DDX50: variants seen among roughly 807,000 people sequenced by gnomAD.
The protein encoded by DDX50 is DExD-box helicase 50.
In DDX50, 56 loss-of-function variants were observed where a neutral mutation model predicts 94.8. The ratio of observed to expected loss-of-function variants is 0.59; its 90% confidence interval spans 0.48 to 0.74. The LOEUF is 0.74. Ranked by LOEUF, DDX50 falls within the 30% of genes least tolerant of loss-of-function variation. The pLI is 0.00. For synonymous variants in DDX50, 264 were observed against 295.4 expected, an observed-to-expected ratio of 0.89 and a Z score of 1.09; for missense variants, 713 against 881.2, an observed-to-expected ratio of 0.81 and a Z score of 2.42.
chr10:68,918,561 G>A (rs1281466646), intron 7 of DDX50, among the ~76,000 whole-genome samples: 2 of 151,386 alleles, frequency 1.3e-5, no homozygotes, highest in Non-Finnish European at 1.5e-5. Flanking sequence ...TCAGTCTCCC[G>A]AGTAGCTGGG....
At chr10:68,906,042 G>A (rs1165219560) in intron 1 of DDX50, among the ~76,000 whole-genome samples, 1 of 152,200 alleles carries the variant, frequency 6.6e-6, no homozygotes, top group African/African-American at 2.4e-5. Context: ...TAGCACCCCG[G>A]TAGGGTTTGG....
intron 1 of DDX50, among the ~76,000 whole-genome samples, chr10:68,903,151 T>A (rs1841338572): frequency 6.6e-6 from 1 of 152,182 alleles, no homozygotes. Context: ...ATGCCTGTAA[T>A]CCTAGCACTT....
At chr10:68,945,092 C>T (rs1334574142) in intron 14 of DDX50, among the ~76,000 whole-genome samples, 1 of 152,070 alleles carries the variant, frequency 6.6e-6, no homozygotes, top group African/African-American at 2.4e-5. Context: ...TAGGACTGCC[C>T]TAAACATTGG....
chr10:68,931,382 TAAAAAA>T (rs530913846), intron 8 of DDX50, among the ~76,000 whole-genome samples: 5 of 100,340 alleles, frequency 5.0e-5, no homozygotes, highest in African/African-American at 1.7e-4. Context: ...GACGGATCAT[TAAAAAA>T]AAAAATATAT....
intron 8 of DDX50, among the ~76,000 whole-genome samples, 186 bp downstream of exon 8, chr10:68,920,167 G>T (rs1841903068): frequency 6.6e-6 from 1 of 152,138 alleles, no homozygotes; most frequent in African/African-American, 2.4e-5. Context: ...TATCAGTTTT[G>T]TTTGTTTGTC....
chr10:68,936,968 AT>A lies in DDX50; in HGVS notation c.1634del (p.Phe545SerfsTer8). 1 of 1,607,798 alleles carries A rather than the reference AT, an allele frequency of 6.2e-7. No individual in the cohort carries two copies. Among genetic ancestry groups the A allele is most frequent in the Non-Finnish European group, 8.5e-7 (1 of 1,177,534 alleles). On this transcript the variant is annotated frameshift_variant, in exon 12 of 15. Transcript: ENST00000373585. LOFTEE classifies it high-confidence loss of function. ...GCTTCCGTTTCTTACGCTGCTGTTG[AT>A]TTTTTCCGACCATCAGCTCAGAGAC... is the stretch of plus-strand genomic sequence containing the variant. ...SLASVSYAAV[D>X]FFRPSAQRLI...
intron 8 of DDX50, among the ~76,000 whole-genome samples, chr10:68,922,936 C>T (rs1420642571): frequency 2.7e-5 from 4 of 149,398 alleles, no homozygotes; most frequent in Admixed American, 1.3e-4. Context: ...GGACTACAGG[C>T]GCATGCCACC....
Position 68,919,907 on chromosome 10 carries a change from G to A in DDX50, c.1165G>A (p.Glu389Lys). The A allele has an allele frequency of 6.2e-7, 1 of 1,614,132 alleles. No individual in the cohort carries two copies. The highest frequency in any genetic ancestry group is 1.1e-5 in the South Asian group (1 of 91,082). Residue 389 changes from glutamate to lysine, a missense_variant, in exon 8 of 15, where the codon GAA becomes AAA. Physicochemically the swap from Glu to Lys is moderately conservative, Grantham distance 56. Around this residue, in one of 2 missense-constraint regions of DDX50, gnomAD observed 428 missense variants for 602.3 expected, o/e 0.71. Transcript: ENST00000373585. ...GDVLQVYSGS[E>K]GRAIIFCETK... ...TGTCCTTCAAGTCTACAGTGGGTCT[G>A]AAGGGAGGGCTATTATTTTCTGTGA...
intron 2 of DDX50, among the ~76,000 whole-genome samples, chr10:68,908,400 G>A (rs1231154409): frequency 1.4e-4 from 19 of 136,540 alleles, no homozygotes; most frequent in Non-Finnish European, 1.5e-4. Flanking sequence ...GCAGTGAGCC[G>A]AGATTGCACC....
At position 68,901,502 on chromosome 10, in the gene DDX50, G is replaced by T. The variant is rs112700296; in HGVS notation, c.87+31G>T. ...CTGAGCATGGGCCGCGCCTCCTTTT[G>T]GGCTGCGCCGGCTTGGGCGGGGAGG... On this transcript the variant is annotated intron_variant, in intron 1 of 14. Coordinates refer to ENST00000373585, the MANE Select transcript of DDX50 (RefSeq NM_024045.2). 728 of 1,546,556 alleles carry T rather than the reference G, an allele frequency of 4.7e-4. 1 individual carries two copies. In the African/African-American group the frequency reaches 7.9e-3, roughly 17 times the overall value.
chr10:68,931,676 C>T (rs1303367906), intron 8 of DDX50, among the ~76,000 whole-genome samples: 7 of 151,410 alleles, frequency 4.6e-5, no homozygotes, highest in Admixed American at 6.6e-5. Context: ...CCACCTACCT[C>T]GGCCTCCCAA....
In DDX50 at chr10:68,906,848, A is replaced by T. The variant is rs1841463697; in HGVS notation, c.225A>T (p.Glu75Asp). Residue 75 changes from glutamate to aspartate, a missense_variant, in exon 2 of 15, where the codon GAA becomes GAT. This residue lies in a region of DDX50 where 285 missense variants were observed against 278.9 expected (regional missense o/e 1.02). Coordinates refer to ENST00000373585, the MANE Select transcript of DDX50 (RefSeq NM_024045.2). ...KMKEKLNGDT[E>D]EGFNRLSDEF... is the part of the protein sequence containing the mutation. ...AAGAGAAGCTAAATGGAGACACTGAAGAAGGATTTAATAGACTTTCAGATG... is the reference window on the plus strand; with the variant it reads ...AAGAGAAGCTAAATGGAGACACTGATGAAGGATTTAATAGACTTTCAGATG... 2 of 1,613,836 alleles carry T rather than the reference A, an allele frequency of 1.2e-6. No homozygotes were observed. The highest frequency in any genetic ancestry group is 4.5e-5 in the East Asian group (2 of 44,870).
At chr10:68,903,949 C>G (rs1451991756) in intron 1 of DDX50, among the ~76,000 whole-genome samples, 1 of 147,132 alleles carries the variant, frequency 6.8e-6, no homozygotes, top group East Asian at 2.0e-4. Flanking sequence ...GCACTCCAGC[C>G]TGGGTGACAG....
At chr10:68,935,845 C>T (rs1441647292) in intron 10 of DDX50, among the ~76,000 whole-genome samples, 161 bp from the exon 11 acceptor site, 2 of 151,900 alleles carry the variant, frequency 1.3e-5, no homozygotes, top group Non-Finnish European at 2.9e-5. Context: ...AAAACAAAAA[C>T]AAAAACAAAA....
Position 68,913,285 on chromosome 10 carries a change from T to A in DDX50, c.757+6T>A. 6.2e-7 allele frequency: 1 copy of A among 1,608,900 alleles called. No homozygotes were observed. The highest frequency in any genetic ancestry group is 1.3e-5 in the African/African-American group (1 of 74,686). Reference sequence around the variant, plus strand: ...AACATCATATCAAAGCCAAAGTGAGTAAATATGTTTGATAGACGTGCAAAG... The same window carrying A: ...AACATCATATCAAAGCCAAAGTGAGAAAATATGTTTGATAGACGTGCAAAG... On this transcript the variant is annotated splice_donor_region_variant and intron_variant, in intron 5 of 14. Transcript: ENST00000373585.
At chr10:68,942,567 G>T (rs1202109084) in intron 13 of DDX50, among the ~76,000 whole-genome samples, 1 of 152,034 alleles carries the variant, frequency 6.6e-6, no homozygotes, top group African/African-American at 2.4e-5. Context: ...GACCATAGAA[G>T]AAACATCTTG....
rs549569304 is a variant in DDX50 at position 68,914,937 on chromosome 10, C to T, written c.1089+733C>T. 1.8e-3 allele frequency among the ~76,000 whole-genome samples: 273 copies of T among 149,554 alleles called. 1 individual carries two copies. Among genetic ancestry groups the T allele is most frequent in the African/African-American group, 6.5e-3 (264 of 40,726 alleles). On this transcript the variant is annotated intron_variant, in intron 7 of 14. Transcript: ENST00000373585. ...TTGGGAGGCTGAGGCATGAGAATCA[C>T]TTGAACCCAGGAGGTGGAGGTTGCA...
intron 14 of DDX50, among the ~76,000 whole-genome samples, chr10:68,944,342 C>G (rs925433897): frequency 2.6e-5 from 4 of 151,992 alleles, no homozygotes; most frequent in African/African-American, 9.7e-5. Flanking sequence ...TGTAAAGTAT[C>G]TTTATCTGTT....
intron 2 of DDX50, 21 bp downstream of exon 2, chr10:68,907,028 G>T (rs1394533160): frequency 6.4e-7 from 1 of 1,563,778 alleles, no homozygotes; most frequent in Non-Finnish European, 8.6e-7. Flanking sequence ...TTTTTATTTT[G>T]CATTTGACAT....
Sources: gnomAD v4.1 joint callset for allele counts (sites outside exome capture counted in the v4.1 genomes callset) on GRCh38, gnomAD v4.1.1 for gene constraint, gnomAD v4.1.1 regional missense constraint, MANE v1.5 for transcripts, NCBI Gene and HGNC (gene_info 2026-07-23, HGNC 2026-07-21) for gene names.